ABCC9: variants seen among roughly 807,000 people sequenced by gnomAD.
The protein encoded by ABCC9 is ATP-binding cassette sub-family C member 9.
A neutral mutation model predicts 188.3 loss-of-function variants in ABCC9; 95 were observed. That is an observed-to-expected ratio of 0.50 (90% CI 0.43 to 0.60). The LOEUF (loss-of-function observed/expected upper bound fraction) is 0.60, where lower values mean the gene tolerates loss of function less well. ABCC9 is among the 20% of genes least tolerant of loss of function. The probability of loss-of-function intolerance (pLI) is 0.00; values close to 1 mark genes in which losing one functional copy is unlikely to be tolerated. For missense variants in ABCC9, 1,102 were observed against 1,876.3 expected, an observed-to-expected ratio of 0.59 and a Z score of 7.62; for synonymous variants, 659 against 652.7, an observed-to-expected ratio of 1.01 and a Z score of -0.15.
intron 34 of ABCC9, 24 bp from the exon 35 acceptor site, chr12:21,814,746 AG>A: frequency 1.2e-6 from 2 of 1,603,102 alleles, no homozygotes; most frequent in Non-Finnish European, 1.7e-6. Flanking sequence ...TGTCACTCAA[AG>A]AGAAGAGGAC....
At chr12:21,878,997 A>T (rs1027735492) in intron 16 of ABCC9, among the ~76,000 whole-genome samples, 2 of 152,166 alleles carry the variant, frequency 1.3e-5, no homozygotes, top group Non-Finnish European at 1.5e-5. Flanking sequence ...TCATGTAAGG[A>T]TAGGTACAAT....
chr12:21,854,114 A>C (rs1189569515), intron 22 of ABCC9, among the ~76,000 whole-genome samples: 1 of 152,250 alleles, frequency 6.6e-6, no homozygotes, highest in Non-Finnish European at 1.5e-5. Flanking sequence ...TCAGTTGAGC[A>C]CAGTCATAGT....
At chr12:21,825,883 T>G (rs1451110075) in intron 31 of ABCC9, among the ~76,000 whole-genome samples, 1 of 152,188 alleles carries the variant, frequency 6.6e-6, no homozygotes, top group African/African-American at 2.4e-5. Context: ...CTCTCTCTTC[T>G]TTCTTGAGAT....
At chr12:21,880,852 C>A (rs1946585013) in intron 16 of ABCC9, among the ~76,000 whole-genome samples, 1 of 152,048 alleles carries the variant, frequency 6.6e-6, no homozygotes, top group Non-Finnish European at 1.5e-5. Context: ...TACAACTCAG[C>A]AACTGTTCAC....
At chr12:21,852,011 A>G in intron 24 of ABCC9, 86 bp downstream of exon 24, 1 of 1,508,842 alleles carries the variant, frequency 6.6e-7, no homozygotes. Context: ...TTAAATGGTA[A>G]TTTTTTAAAA....
At chr12:21,838,301 C>G (rs1944207198) in intron 29 of ABCC9, 131 bp from the exon 30 acceptor site, 1 of 727,944 alleles carries the variant, frequency 1.4e-6, no homozygotes, top group Non-Finnish European at 2.4e-6. Context: ...CCCTAGCACT[C>G]AATTAACAAA....
intron 35 of ABCC9, among the ~76,000 whole-genome samples, chr12:21,813,878 G>A (rs1273794793): frequency 6.6e-6 from 1 of 152,096 alleles, no homozygotes; most frequent in Non-Finnish European, 1.5e-5. Flanking sequence ...AACATGCAAA[G>A]TACTATAGTC....
intron 5 of ABCC9, chr12:21,924,872 T>C (rs1232603829): frequency 6.6e-6 from 1 of 152,180 alleles, no homozygotes; most frequent in African/African-American, 2.4e-5. Context: ...TTTAAATTAA[T>C]ATTTAACCCT....
chr12:21,849,623 A>G (rs934060408), intron 24 of ABCC9, among the ~76,000 whole-genome samples: 12 of 152,174 alleles, frequency 7.9e-5, no homozygotes, highest in Non-Finnish European at 1.8e-4. Context: ...AAACAAAAAA[A>G]CCCAAACAAA....
intron 35 of ABCC9, among the ~76,000 whole-genome samples, chr12:21,814,291 T>C (rs1048519029): frequency 2.6e-5 from 4 of 152,200 alleles, no homozygotes; most frequent in Non-Finnish European, 5.9e-5. Flanking sequence ...GAAAGAGACA[T>C]ACATTTAGTC....
intron 22 of ABCC9, among the ~76,000 whole-genome samples, chr12:21,857,801 C>T (rs985253138): frequency 3.3e-5 from 5 of 152,086 alleles, no homozygotes; most frequent in African/African-American, 1.2e-4. Flanking sequence ...TTGACTATTC[C>T]CGTCCCCAGA....
At chr12:21,820,519 A>T (rs555820921) in intron 31 of ABCC9, among the ~76,000 whole-genome samples, 5 of 152,040 alleles carry the variant, frequency 3.3e-5, no homozygotes, top group African/African-American at 4.8e-5. Flanking sequence ...TATATATATA[A>T]AACCTTATAT....
chr12:21,805,391 A>C, intron 39 of ABCC9: 1 of 1,385,130 alleles, frequency 7.2e-7, no homozygotes, highest in African/African-American at 1.4e-5. Context: ...GTTTTTATTA[A>C]GCAGTAAGCC....
At chr12:21,899,622 C>T (rs1329667116) in intron 12 of ABCC9, among the ~76,000 whole-genome samples, 1 of 152,190 alleles carries the variant, frequency 6.6e-6, no homozygotes, top group African/African-American at 2.4e-5. Flanking sequence ...TAATACTGTG[C>T]TTTTCCAACG....
chr12:21,853,445 A>C (rs920389930), intron 22 of ABCC9, among the ~76,000 whole-genome samples: 6 of 152,128 alleles, frequency 3.9e-5, no homozygotes, highest in Admixed American at 2.6e-4. Flanking sequence ...GTGGGTATAT[A>C]ATTTACATTG....
Position 21,852,049 on chromosome 12 carries a change from A to C in ABCC9, c.2769+48T>G, listed in dbSNP as rs781713437. 5.6e-6 allele frequency: 9 copies of C among 1,609,330 alleles called. No homozygotes were observed. The East Asian group carries it at 2.0e-4, about 36-fold the overall frequency. On this transcript the variant is annotated intron_variant, in intron 24 of 39. Transcript: ENST00000261200. ...CATTCTTAGTAATTAGTAAATTTCT[A>C]ACTCTTCTGAATTGGGCTCTGAACT...
intron 22 of ABCC9, among the ~76,000 whole-genome samples, chr12:21,856,509 TA>T (rs1240275781): frequency 5.9e-3 from 9 of 1,534 alleles, no homozygotes; most frequent in Non-Finnish European, 0.033. Context: ...TTTTCAAAAA[TA>T]ATATTTTTGA....
intron 35 of ABCC9, among the ~76,000 whole-genome samples, chr12:21,814,008 A>G (rs1337205313): frequency 6.6e-6 from 1 of 152,204 alleles, no homozygotes; most frequent in Non-Finnish European, 1.5e-5. Flanking sequence ...TGGCCTATTT[A>G]TAGGCCACTT....
chr12:21,910,949 A>G lies in ABCC9; in HGVS notation c.1041T>C (p.Phe347=). 1.2e-6 allele frequency: 2 copies of G among 1,612,366 alleles called. No individual in the cohort carries two copies. The highest frequency in any genetic ancestry group is 8.5e-7 in the Non-Finnish European group (1 of 1,178,750). ...CTGCTAGAACGTAAGCGTTTTCAAG[A>G]AATTCCTTTGATGAGAGGGTTTCTG... ...GISETLSSKE[F]LENAYVLAVL... Residue 347 remains phenylalanine (F), a synonymous_variant, in exon 9 of 40, where the codon TTT becomes TTC. Transcript: ENST00000261200.
Sources: gnomAD v4.1 joint callset for allele counts (sites outside exome capture counted in the v4.1 genomes callset) on GRCh38, gnomAD v4.1.1 for gene constraint, MANE v1.5 for transcripts, NCBI Gene and HGNC (gene_info 2026-07-23, HGNC 2026-07-21) for gene names.